Variants in PDE7A observed in about 807,000 individuals in gnomAD.
PDE7A encodes high affinity 3',5'-cyclic-AMP phosphodiesterase 7A.
In PDE7A, 39 loss-of-function variants were observed where a neutral mutation model predicts 64.3. The ratio of observed to expected loss-of-function variants is 0.61; its 90% CI spans 0.47 to 0.79. The LOEUF (loss-of-function observed/expected upper bound fraction) is 0.79, where lower values mean the gene tolerates loss of function less well. Ranked by LOEUF, PDE7A falls within the 30% of genes least tolerant of loss-of-function variation. The probability of loss-of-function intolerance (pLI) is 0.00; values close to 1 mark genes in which losing one functional copy is unlikely to be tolerated. For synonymous variants in PDE7A, 203 were observed against 206.8 expected, an observed-to-expected ratio of 0.98 and a Z score of 0.16; for missense variants, 470 against 582.8, an observed-to-expected ratio of 0.81 and a Z score of 1.99.
At chr8:65,778,629 G>A (rs534359089) in intron 3 of PDE7A, among the ~76,000 whole-genome samples, 39 of 152,272 alleles carry the variant, frequency 2.6e-4, no homozygotes, top group African/African-American at 9.1e-4. Context: ...TACTGGGAGA[G>A]GTAATCCTCC....
At chr8:65,813,520 AATG>A (rs1208952274) in intron 1 of PDE7A, among the ~76,000 whole-genome samples, 9 of 152,220 alleles carry the variant, frequency 5.9e-5, no homozygotes, top group African/African-American at 2.2e-4. Flanking sequence ...AAATATTGAA[AATG>A]ATAGCTGATT....
At chr8:65,813,215 A>G (rs947098230) in intron 1 of PDE7A, among the ~76,000 whole-genome samples, 5 of 152,310 alleles carry the variant, frequency 3.3e-5, no homozygotes, top group African/African-American at 9.6e-5. Context: ...CTTCTGACCC[A>G]AGTTCTACCA....
chr8:65,789,006 G>C, intron 1 of PDE7A: 1 of 1,596,332 alleles, frequency 6.3e-7, no homozygotes, highest in Non-Finnish European at 8.6e-7. Context: ...AAACTTCTTA[G>C]GAGTCTGATA....
chr8:65,759,279 A>C (rs1185461398), intron 3 of PDE7A, among the ~76,000 whole-genome samples: 2 of 152,178 alleles, frequency 1.3e-5, no homozygotes, highest in Non-Finnish European at 2.9e-5. Flanking sequence ...GGGGCTCAGG[A>C]CAGTACTATC....
At position 65,805,753 on chromosome 8, in the gene PDE7A, T is replaced by C. The variant is rs569217161; in HGVS notation, c.139-22910A>G. On this transcript the variant is annotated intron_variant, in intron 1 of 12. Coordinates refer to ENST00000401827, the MANE Select transcript of PDE7A (RefSeq NM_001242318.3). Reference sequence around the variant, plus strand: ...CTGCCTAAGACACAGGCATGGCTTCTGTTCGTAAGTCCCTATTAAATGCTT... The same window carrying C: ...CTGCCTAAGACACAGGCATGGCTTCCGTTCGTAAGTCCCTATTAAATGCTT... 2.0e-3 allele frequency among the ~76,000 whole-genome samples: 308 copies of C among 150,616 alleles called. 1 individual carries two copies. Among genetic ancestry groups the C allele is most frequent in the African/African-American group, 7.3e-3 (293 of 40,198 alleles).
intron 3 of PDE7A, among the ~76,000 whole-genome samples, chr8:65,752,630 T>C (rs888120296): frequency 6.6e-6 from 1 of 152,214 alleles, no homozygotes; most frequent in Non-Finnish European, 1.5e-5. Context: ...TATCTCATTG[T>C]TAACCATTCT....
intron 1 of PDE7A, among the ~76,000 whole-genome samples, chr8:65,802,377 A>G (rs923287880): frequency 1.7e-4 from 26 of 152,242 alleles, no homozygotes; most frequent in African/African-American, 5.8e-4. Context: ...GCAAAAGAAA[A>G]AAGTATTTTC....
rs940389288 is a variant in PDE7A, at chr8:65,714,951, C to T, written c.*4339G>A. Among the ~76,000 whole-genome samples, 1 of 152,098 alleles carries T rather than the reference C, an allele frequency of 6.6e-6. No individual in the cohort carries two copies. The highest frequency in any genetic ancestry group is 1.5e-5 in the Non-Finnish European group (1 of 68,030). ...CCAACCATCACATTTACAGTGAGTA[C>T]AAATATTGACCAGGAACCAATTTTT... is the stretch of plus-strand genomic sequence containing the variant. On this transcript the variant is annotated 3_prime_UTR_variant, in exon 13 of 13. Transcript: ENST00000401827.
intron 5 of PDE7A, among the ~76,000 whole-genome samples, chr8:65,739,935 G>A (rs747533398): frequency 6.6e-6 from 1 of 152,128 alleles, no homozygotes; most frequent in African/African-American, 2.4e-5. Flanking sequence ...CTAACTCAGT[G>A]TGGCTGCACC....
chr8:65,729,084 G>A (rs1806726346), intron 7 of PDE7A, among the ~76,000 whole-genome samples: 1 of 152,022 alleles, frequency 6.6e-6, no homozygotes, highest in Non-Finnish European at 1.5e-5. Context: ...TTTTTAAGGT[G>A]GATTAAAAGA....
chr8:65,782,292 A>G (rs1809441161), intron 2 of PDE7A, among the ~76,000 whole-genome samples: 1 of 152,244 alleles, frequency 6.6e-6, no homozygotes, highest in Admixed American at 6.5e-5. Context: ...ATATACGCAC[A>G]TATCTAAATT....
At position 65,719,354 on chromosome 8, in the gene PDE7A, T is replaced by TC; in HGVS notation, c.1384dup (p.Glu462GlyfsTer4). 1 of 1,614,142 alleles carries TC rather than the reference T, an allele frequency of 6.2e-7. No homozygotes were observed. Among genetic ancestry groups the TC allele is most frequent in the South Asian group, 1.1e-5 (1 of 91,084 alleles). On this transcript the variant is annotated frameshift_variant, in exon 13 of 13. Transcript: ENST00000401827. LOFTEE classifies it high-confidence loss of function. ...CAACTCAAATGCAGCATCAGTGTCC[T>TC]CACTGCTCGACTGTTCTCTCTGCAG...
chr8:65,781,678 T>A (rs1473329484), intron 2 of PDE7A, among the ~76,000 whole-genome samples: 1 of 152,176 alleles, frequency 6.6e-6, no homozygotes, highest in Non-Finnish European at 1.5e-5. Flanking sequence ...GAGTTATATT[T>A]ACTGAGATGG....
chr8:65,788,694 A>C (rs574784122), intron 1 of PDE7A, among the ~76,000 whole-genome samples: 18 of 152,196 alleles, frequency 1.2e-4, no homozygotes, highest in Non-Finnish European at 2.4e-4. Context: ...AAGAAGAAAT[A>C]ATGTGGGATA....
rs1011335237 is a variant in PDE7A, at chr8:65,715,031, A to G, written c.*4259T>C. On this transcript the variant is annotated 3_prime_UTR_variant, in exon 13 of 13. Coordinates refer to ENST00000401827, the MANE Select transcript of PDE7A (RefSeq NM_001242318.3). Reference sequence around the variant, plus strand: ...TTCTCTCCAAGGACCTTTTACTCCTAGAGCAGAGACTCCCTCAGCCCCTGA... The same window carrying G: ...TTCTCTCCAAGGACCTTTTACTCCTGGAGCAGAGACTCCCTCAGCCCCTGA... 5.3e-5 allele frequency among the ~76,000 whole-genome samples: 8 copies of G among 152,192 alleles called. No homozygotes were observed. Among genetic ancestry groups the G allele is most frequent in the Non-Finnish European group, 1.2e-4 (8 of 68,040 alleles).
chr8:65,814,689 T>G (rs1467487248), intron 1 of PDE7A, among the ~76,000 whole-genome samples: 2 of 152,132 alleles, frequency 1.3e-5, no homozygotes, highest in Non-Finnish European at 1.5e-5. Context: ...TACCTTTAAG[T>G]GTATTTTATA....
chr8:65,762,051 G>A (rs1018508188), intron 3 of PDE7A, among the ~76,000 whole-genome samples: 1 of 152,160 alleles, frequency 6.6e-6, no homozygotes, highest in Admixed American at 6.5e-5. Context: ...CACTGTATCT[G>A]CCACCTTAAC....
intron 1 of PDE7A, among the ~76,000 whole-genome samples, chr8:65,792,188 G>A (rs995493530): frequency 6.6e-6 from 1 of 152,124 alleles, no homozygotes; most frequent in Non-Finnish European, 1.5e-5. Flanking sequence ...ACATGGCAAA[G>A]TAATAAATCA....
chr8:65,793,033 C>A (rs535827208), intron 1 of PDE7A, among the ~76,000 whole-genome samples: 1 of 152,158 alleles, frequency 6.6e-6, no homozygotes, highest in African/African-American at 2.4e-5. Flanking sequence ...ACCAACAATT[C>A]AAGTCTTCAG....
Sources: gnomAD v4.1 joint callset for allele counts (sites outside exome capture counted in the v4.1 genomes callset) on GRCh38, gnomAD v4.1.1 for gene constraint, MANE v1.5 for transcripts, NCBI Gene and HGNC (gene_info 2026-07-23, HGNC 2026-07-21) for gene names.